Variants in ACER3 observed in about 807,000 individuals in gnomAD.
The protein encoded by ACER3 is alkaline ceramidase 3.
ACER3 carries 16 observed loss-of-function variants against 48.9 expected under a neutral mutation model. That is an observed-to-expected ratio of 0.33 (90% CI 0.22 to 0.50). The LOEUF (loss-of-function observed/expected upper bound fraction) is 0.50. Among genes scored for constraint, ACER3 ranks in the 20% least tolerant of loss-of-function variants. ACER3 has a pLI of 0.98. For missense variants in ACER3, 227 were observed against 326.0 expected (o/e 0.70, Z 2.34); for synonymous variants, 109 against 107.8 (o/e 1.01, Z -0.07).
chr11:76,914,459 G>A (rs1946469555), intron 1 of ACER3, among the ~76,000 whole-genome samples: 1 of 152,120 alleles, frequency 6.6e-6, no homozygotes, highest in Non-Finnish European at 1.5e-5. Context: ...CACCATCACT[G>A]GCCATCAGAG....
chr11:76,911,038 G>A (rs968617163), intron 1 of ACER3, among the ~76,000 whole-genome samples: 1 of 152,150 alleles, frequency 6.6e-6, no homozygotes, highest in Non-Finnish European at 1.5e-5. Flanking sequence ...CTCTGCTACT[G>A]TTACCCAATC....
chr11:76,870,712 T>C (rs550127789), intron 1 of ACER3, among the ~76,000 whole-genome samples: 1 of 152,336 alleles, frequency 6.6e-6, no homozygotes, highest in Middle Eastern at 3.4e-3. Context: ...TAATGTACTT[T>C]ATCCCTGTTT....
intron 1 of ACER3, among the ~76,000 whole-genome samples, chr11:76,913,211 A>AT (rs1014942065): frequency 4.6e-5 from 7 of 152,078 alleles, no homozygotes; most frequent in Admixed American, 1.3e-4. Flanking sequence ...ATTTTTGCAC[A>AT]TTGATTTTGT....
intron 1 of ACER3, among the ~76,000 whole-genome samples, chr11:76,889,538 G>A (rs1430293373): frequency 6.6e-6 from 1 of 152,106 alleles, no homozygotes; most frequent in Admixed American, 6.6e-5. Flanking sequence ...ATCAGTATTA[G>A]CACACATGGA....
intron 7 of ACER3, among the ~76,000 whole-genome samples, chr11:76,999,345 T>A (rs577083420): frequency 2.0e-5 from 3 of 151,692 alleles, no homozygotes; most frequent in South Asian, 4.2e-4. Flanking sequence ...ACACAACAGG[T>A]GTTCAATAAA....
intron 4 of ACER3, among the ~76,000 whole-genome samples, chr11:76,983,545 C>T (rs530090880): frequency 8.3e-4 from 126 of 152,262 alleles, no homozygotes; most frequent in Admixed American, 1.4e-3. Context: ...GAACTCCTGA[C>T]CTCAAGCAAT....
At chr11:76,993,928 G>A (rs1170343875) in intron 6 of ACER3, among the ~76,000 whole-genome samples, 1 of 152,200 alleles carries the variant, frequency 6.6e-6, no homozygotes, top group Non-Finnish European at 1.5e-5. Context: ...AAAGGCTGCA[G>A]ACCTGTACCA....
intron 7 of ACER3, among the ~76,000 whole-genome samples, chr11:77,009,123 G>A (rs1369125360): frequency 1.3e-5 from 2 of 152,148 alleles, no homozygotes; most frequent in Non-Finnish European, 2.9e-5. Context: ...AGAAATACTG[G>A]AGACTAGGTA....
At chr11:76,994,465 C>T (rs1335362104) in intron 6 of ACER3, among the ~76,000 whole-genome samples, 5 of 152,122 alleles carry the variant, frequency 3.3e-5, no homozygotes, top group African/African-American at 7.2e-5. Context: ...AGGGTTTTTT[C>T]GTGTTGGCCA....
chr11:76,934,305 CAATCTCGGCACT>C lies in ACER3; in HGVS notation c.214+7639_214+7650del. 1.3e-5 allele frequency among the ~76,000 whole-genome samples: 2 copies of C among 152,338 alleles called. 1 individual carries two copies. The highest frequency in any genetic ancestry group is 2.9e-5 in the Non-Finnish European group (2 of 68,026). On this transcript the variant is annotated intron_variant, in intron 2 of 10. Transcript: ENST00000532485. The stretch of plus-strand genomic sequence containing the variant: ...CGGGGTGGCGGCCGGGCAGAGGCTG[CAATCTCGGCACT>C]TTGGGAGGCCAAGGCAGGCGGCTGG...
chr11:76,976,235 A>C, intron 3 of ACER3, 54 bp from the exon 4 acceptor site: 1 of 1,310,010 alleles, frequency 7.6e-7, no homozygotes, highest in Non-Finnish European at 1.1e-6. Context: ...TGATTTGCAT[A>C]ATAATTGCTG....
chr11:76,870,647 T>C (rs1005920437), intron 1 of ACER3, among the ~76,000 whole-genome samples: 45 of 152,220 alleles, frequency 3.0e-4, no homozygotes, highest in Non-Finnish European at 5.7e-4. Flanking sequence ...ATGAATTTAT[T>C]GTCACTCTTA....
chr11:76,907,998 G>A (rs1246897294), intron 1 of ACER3, among the ~76,000 whole-genome samples: 1 of 152,202 alleles, frequency 6.6e-6, no homozygotes, highest in Admixed American at 6.5e-5. Context: ...CACCCTGGGA[G>A]GCCAAGGCAA....
At chr11:76,882,302 C>T (rs528027504) in intron 1 of ACER3, among the ~76,000 whole-genome samples, 42 of 152,256 alleles carry the variant, frequency 2.8e-4, no homozygotes, top group African/African-American at 1.0e-3. Context: ...TTGTGCCCGG[C>T]CCAAAATCTT....
chr11:76,950,129 C>G (rs1947601780), intron 2 of ACER3, among the ~76,000 whole-genome samples: 1 of 151,730 alleles, frequency 6.6e-6, no homozygotes, highest in African/African-American at 2.4e-5. Context: ...ACAGTGCACA[C>G]TATAGCATTT....
intron 2 of ACER3, among the ~76,000 whole-genome samples, chr11:76,931,604 C>T (rs1165108026): frequency 6.6e-6 from 1 of 152,190 alleles, no homozygotes; most frequent in East Asian, 1.9e-4. Flanking sequence ...TGGCTAGTAC[C>T]AGTTGTTCCT....
rs1304199100 is a variant in ACER3 at position 77,024,663 on chromosome 11, A to T, written c.*4336A>T. On this transcript the variant is annotated 3_prime_UTR_variant, in exon 11 of 11. Transcript: ENST00000532485. ...AGAACTTAAGTCGTTTGTTAGCTAC[A>T]GCATTTCCATTGCTGTGATACACAT... 1 of 152,254 alleles carries T rather than the reference A, an allele frequency of 6.6e-6. No individual in the cohort carries two copies. Among genetic ancestry groups the T allele is most frequent in the Non-Finnish European group, 1.5e-5 (1 of 68,050 alleles). 9.4% of individuals were successfully genotyped at this position (152,254 alleles called of 1,614,324 possible). A position where few individuals can be genotyped will look rare whatever the true frequency, so the allele number is the denominator to read the frequency against.
chr11:76,974,164 A>G (rs545597379), intron 3 of ACER3, among the ~76,000 whole-genome samples: 1 of 152,278 alleles, frequency 6.6e-6, no homozygotes, highest in African/African-American at 2.4e-5. Context: ...GAGTATTCCA[A>G]GTTTGTTGTT....
chr11:77,004,594 A>G (rs1235223676), intron 7 of ACER3, among the ~76,000 whole-genome samples: 3 of 152,194 alleles, frequency 2.0e-5, no homozygotes, highest in Non-Finnish European at 2.9e-5. Flanking sequence ...TTGCAAGTCT[A>G]TTTTGATGCA....
Sources: allele counts gnomAD v4.1 joint callset (sites outside exome capture counted in the v4.1 genomes callset), GRCh38; gene constraint gnomAD v4.1.1; transcripts MANE v1.5; gene names NCBI Gene and HGNC (gene_info 2026-07-23, HGNC 2026-07-21).